The following PDE4B variants were observed in gnomAD, a reference collection of about 807,000 sequenced individuals.
PDE4B encodes the protein 3',5'-cyclic-AMP phosphodiesterase 4B.
In PDE4B, 20 loss-of-function variants were observed where a neutral mutation model predicts 82.2. That is an observed-to-expected ratio of 0.24 (90% CI 0.17 to 0.35). The LOEUF (loss-of-function observed/expected upper bound fraction) is 0.35, where lower values mean the gene tolerates loss of function less well. Among genes scored for constraint, PDE4B ranks in the 10% least tolerant of loss-of-function variants. The pLI is 1.00. For missense variants in PDE4B, 655 were observed against 907.2 expected, an observed-to-expected ratio of 0.72 and a Z score of 3.57; for synonymous variants, 320 against 318.9, an observed-to-expected ratio of 1.00 and a Z score of -0.04.
At chr1:65,994,756 A>T (rs1651440682) in intron 3 of PDE4B, among the ~76,000 whole-genome samples, 1 of 152,092 alleles carries the variant, frequency 6.6e-6, no homozygotes, top group Non-Finnish European at 1.5e-5. Flanking sequence ...TAGATAGCTA[A>T]TTTTTAGATA....
Position 66,240,131 on chromosome 1 carries a change from T to C in PDE4B, c.282-7329T>C, listed in dbSNP as rs145215919. Among the ~76,000 whole-genome samples the C allele has an allele frequency of 1.6e-3, 243 of 152,296 alleles. 2 individuals are homozygous for C. The highest frequency in any genetic ancestry group is 5.4e-3 in the African/African-American group (223 of 41,552). On this transcript the variant is annotated intron_variant, in intron 3 of 16. Coordinates refer to ENST00000341517, the MANE Select transcript of PDE4B (RefSeq NM_002600.4). ...TATGGAGCTAACTTTTAGGGGTTGA[T>C]TAGGGTACAGGGCAAGAGATGACTG... is the stretch of plus-strand genomic sequence containing the variant.
At chr1:65,853,763 C>T (rs1189757013) in intron 1 of PDE4B, among the ~76,000 whole-genome samples, 2 of 152,056 alleles carry the variant, frequency 1.3e-5, no homozygotes, top group Non-Finnish European at 2.9e-5. Context: ...CTCTTGACCT[C>T]GTGATCCGCC....
In PDE4B at chr1:66,316,291, A is replaced by G. The variant is rs75258917; in HGVS notation, c.635-16217A>G. ...TTTACTACTATTTCAAATAATACAA[A>G]TTCACATAATTCAAGGAAATCTTCC... On this transcript the variant is annotated intron_variant, in intron 7 of 16. Coordinates refer to ENST00000341517, the MANE Select transcript of PDE4B (RefSeq NM_002600.4). 5.4e-3 allele frequency among the ~76,000 whole-genome samples: 821 copies of G among 152,390 alleles called. 7 individuals are homozygous for G. The highest frequency in any genetic ancestry group is 0.01 in the Non-Finnish European group (686 of 68,046).
intron 1 of PDE4B, among the ~76,000 whole-genome samples, chr1:65,844,797 G>T (rs570756575): frequency 2.0e-5 from 3 of 152,166 alleles, no homozygotes; most frequent in Non-Finnish European, 4.4e-5. Context: ...AAGCTTAGAG[G>T]TTGTGACCAG....
Position 66,011,373 on chromosome 1 carries a change from G to A in PDE4B, c.281+92538G>A, listed in dbSNP as rs77329879. ...TCTTTGAGTTGCTTGTCACTAATAC[G>A]TAGTGAATCAATGGAAATGAAAAGG... On this transcript the variant is annotated intron_variant, in intron 3 of 16. Transcript: ENST00000341517. Among the ~76,000 whole-genome samples, 838 of 152,026 alleles carry A rather than the reference G, an allele frequency of 5.5e-3. 4 individuals carry two copies. Among genetic ancestry groups the A allele is most frequent in the African/African-American group, 0.019 (792 of 41,492 alleles).
chr1:66,096,773 C>A (rs1230437291), intron 3 of PDE4B, among the ~76,000 whole-genome samples: 3 of 151,506 alleles, frequency 2.0e-5, no homozygotes, highest in African/African-American at 7.3e-5. Context: ...TTATTCCTTG[C>A]CACTTTCTAA....
At chr1:66,232,424 A>G (rs966760372) in intron 3 of PDE4B, among the ~76,000 whole-genome samples, 3 of 152,178 alleles carry the variant, frequency 2.0e-5, no homozygotes, top group Non-Finnish European at 4.4e-5. Context: ...GTCTAGCTGC[A>G]TTGGTCATTC....
intron 1 of PDE4B, among the ~76,000 whole-genome samples, chr1:65,874,368 G>A (rs919225144): frequency 1.3e-5 from 2 of 152,156 alleles, no homozygotes; most frequent in Non-Finnish European, 2.9e-5. Flanking sequence ...TGCAAACAGG[G>A]AGAATTTGAC....
chr1:66,129,680 AC>A (rs761317073), intron 3 of PDE4B, among the ~76,000 whole-genome samples: 20 of 55,972 alleles, frequency 3.6e-4, no homozygotes, highest in African/African-American at 1.4e-3. Flanking sequence ...AAACAAAAAA[AC>A]AAAAAAACAA....
intron 1 of PDE4B, among the ~76,000 whole-genome samples, chr1:65,801,416 C>A (rs1645693675): frequency 6.6e-6 from 1 of 152,132 alleles, no homozygotes; most frequent in African/African-American, 2.4e-5. Flanking sequence ...ATTTTTAAGA[C>A]CTCACATTTT....
At chr1:66,289,823 G>A (rs1395837423) in intron 7 of PDE4B, among the ~76,000 whole-genome samples, 1 of 152,060 alleles carries the variant, frequency 6.6e-6, no homozygotes, top group African/African-American at 2.4e-5. Flanking sequence ...GGTGATGCTT[G>A]CCTAATCAAG....
At chr1:66,097,957 T>G (rs774754040) in intron 3 of PDE4B, among the ~76,000 whole-genome samples, 1 of 152,012 alleles carries the variant, frequency 6.6e-6, no homozygotes, top group Non-Finnish European at 1.5e-5. Context: ...TGAAGCTTAC[T>G]TTTAACCTTT....
At chr1:65,863,765 T>A (rs1431957572) in intron 1 of PDE4B, among the ~76,000 whole-genome samples, 1 of 152,254 alleles carries the variant, frequency 6.6e-6, no homozygotes, top group East Asian at 1.9e-4. Context: ...GTAATGCGTT[T>A]CTTTCTCTTT....
intron 3 of PDE4B, among the ~76,000 whole-genome samples, chr1:65,936,919 A>G (rs995799302): frequency 6.6e-6 from 1 of 152,212 alleles, no homozygotes; most frequent in African/African-American, 2.4e-5. Context: ...TAGGTTTTAG[A>G]TAACAGCACT....
At chr1:65,896,024 C>A (rs1330837322) in intron 1 of PDE4B, among the ~76,000 whole-genome samples, 2 of 150,858 alleles carry the variant, frequency 1.3e-5, no homozygotes, top group African/African-American at 2.4e-5. Flanking sequence ...TTTTCTGTAA[C>A]CTTTGCATTC....
chr1:65,847,370 T>C (rs567450204), intron 1 of PDE4B, among the ~76,000 whole-genome samples: 1 of 152,324 alleles, frequency 6.6e-6, no homozygotes, highest in African/African-American at 2.4e-5. Flanking sequence ...CTGAATTCAA[T>C]TGCTGGGCTC....
chr1:66,035,492 A>G lies in PDE4B; in HGVS notation c.281+116657A>G, dbSNP rs544932154. Among the ~76,000 whole-genome samples, 5 of 151,486 alleles carry G rather than the reference A, an allele frequency of 3.3e-5. No individual in the cohort carries two copies. The South Asian group carries it at 6.3e-4, about 19-fold the overall frequency. The stretch of plus-strand genomic sequence containing the variant: ...CTCCTCTTTTCCTGTTCACTTCCCA[A>G]CTCCCAGCCTCTGGTAACCACCATT... On this transcript the variant is annotated intron_variant, in intron 3 of 16. Coordinates refer to ENST00000341517, the MANE Select transcript of PDE4B (RefSeq NM_002600.4).
Position 66,289,719 on chromosome 1 carries a change from TA to T in PDE4B, c.634+23633del, listed in dbSNP as rs1467164183. On this transcript the variant is annotated intron_variant, in intron 7 of 16. Coordinates refer to ENST00000341517, the MANE Select transcript of PDE4B (RefSeq NM_002600.4). ...AGAGAAAATGTTATATATATATATA[TA>T]TATTTTTAAAAATGTAACTCAGATT... 1.0e-3 allele frequency among the ~76,000 whole-genome samples: 157 copies of T among 151,794 alleles called. 1 individual carries two copies. The highest frequency in any genetic ancestry group is 3.3e-3 in the East Asian group (17 of 5,178).
intron 3 of PDE4B, chr1:66,048,705 T>A (rs1654853425): frequency 6.6e-6 from 1 of 151,964 alleles, no homozygotes; most frequent in African/African-American, 2.4e-5. Context: ...GAATAGAGTC[T>A]TCTGATTCAC....
Sources: allele counts gnomAD v4.1 joint callset (sites outside exome capture counted in the v4.1 genomes callset), GRCh38; gene constraint gnomAD v4.1.1; transcripts MANE v1.5; gene names NCBI Gene and HGNC (gene_info 2026-07-23, HGNC 2026-07-21).